The following TTC39B variants were observed in gnomAD, a reference collection of about 807,000 sequenced individuals.
TTC39B encodes the protein tetratricopeptide repeat domain 39B, also known as tetratricopeptide repeat protein 39B.
TTC39B carries 92 observed loss-of-function variants against 96.6 expected under a neutral mutation model. The observed-to-expected ratio is 0.95, with a 90% CI of 0.80 to 1.13. The LOEUF (loss-of-function observed/expected upper bound fraction) is 1.13. TTC39B is among the 50% of genes most tolerant of loss of function. The pLI is 0.00. For missense variants in TTC39B, 955 were observed against 809.3 expected (o/e 1.18, Z -2.18); for synonymous variants, 367 against 299.4 (o/e 1.23, Z -2.33).
In TTC39B at chr9:15,250,247, TC is replaced by T. The variant is rs1438259092; in HGVS notation, c.275+17666del. 9.1e-6 allele frequency: 10 copies of T among 1,093,324 alleles called. No individual in the cohort carries two copies. In the South Asian group the frequency reaches 2.4e-4, roughly 27 times the overall value. 67.7% of individuals were successfully genotyped at this position (1,093,324 alleles called of 1,614,324 possible). A position where few individuals can be genotyped will look rare whatever the true frequency, so the allele number is the denominator to read the frequency against. Reference sequence around the variant, plus strand: ...GGAAGGGATGCCGGGAGATTTTTTTTCCCCCAATCTCTGCTGCAGCCTAATT... The same window carrying T: ...GGAAGGGATGCCGGGAGATTTTTTTTCCCCAATCTCTGCTGCAGCCTAATT... On this transcript the variant is annotated intron_variant, in intron 2 of 19. Transcript: ENST00000512701.
intron 2 of TTC39B, among the ~76,000 whole-genome samples, chr9:15,248,671 T>G (rs891584027): frequency 2.6e-5 from 4 of 152,242 alleles, no homozygotes; most frequent in African/African-American, 7.2e-5. Context: ...CAAGTTTAAG[T>G]AAGGCAGAAT....
At chr9:15,307,120 C>T (rs1824778731) in exon 1 of TTC39B, 11 of 1,610,192 alleles carry the variant, frequency 6.8e-6, no homozygotes, top group South Asian at 1.1e-5. Context: ...TGCCTAAGAG[C>T]GCCATATTCC....
At chr9:15,287,646 C>T (rs1824020678) in intron 1 of TTC39B, among the ~76,000 whole-genome samples, 1 of 151,936 alleles carries the variant, frequency 6.6e-6, no homozygotes, top group South Asian at 2.1e-4. Flanking sequence ...AGCTCCTCTG[C>T]CATAAACTGT....
chr9:15,199,168 C>T (rs928238304), intron 8 of TTC39B, among the ~76,000 whole-genome samples: 3 of 152,180 alleles, frequency 2.0e-5, no homozygotes, highest in African/African-American at 7.2e-5. Flanking sequence ...ATGAACAACG[C>T]TACAGCCACC....
intron 9 of TTC39B, among the ~76,000 whole-genome samples, chr9:15,192,104 T>C (rs917135720): frequency 6.6e-6 from 1 of 152,220 alleles, no homozygotes; most frequent in Non-Finnish European, 1.5e-5. Context: ...TATACTTCTC[T>C]TGATCACTTT....
chr9:15,230,995 AAAAAC>A (rs943970101), intron 2 of TTC39B, among the ~76,000 whole-genome samples: 5 of 151,690 alleles, frequency 3.3e-5, no homozygotes, highest in Non-Finnish European at 4.4e-5. Context: ...AGAAAAAAAA[AAAAAC>A]AAACAAGTTA....
chr9:15,267,810 C>T lies in TTC39B; in HGVS notation c.275+104G>A, dbSNP rs2064298534. Reference sequence around the variant, plus strand: ...AGTGACTTTTTTTTTCTGAAAATAGCCATTGCCGTACTCTCCAAAAAATGA... The same window carrying T: ...AGTGACTTTTTTTTTCTGAAAATAGTCATTGCCGTACTCTCCAAAAAATGA... On this transcript the variant is annotated intron_variant, in intron 2 of 19. Coordinates refer to ENST00000512701, the Ensembl canonical transcript of TTC39B. The T allele has an allele frequency of 6.5e-6, 6 of 919,960 alleles. No individual in the cohort carries two copies. In the South Asian group the frequency reaches 8.1e-5, roughly 12 times the overall value. 57.0% of individuals were successfully genotyped at this position (919,960 alleles called of 1,614,324 possible).
intron 2 of TTC39B, among the ~76,000 whole-genome samples, chr9:15,248,602 TTGAATGAATGAA>T (rs56177200): frequency 2.6e-5 from 4 of 151,248 alleles, no homozygotes; most frequent in Non-Finnish European, 4.4e-5. Flanking sequence ...GTAAACATTT[TTGAATGAATGAA>T]TGAATGAATG....
intron 17 of TTC39B, among the ~76,000 whole-genome samples, chr9:15,179,687 T>C (rs1215816832): frequency 6.6e-6 from 1 of 152,208 alleles, no homozygotes; most frequent in Non-Finnish European, 1.5e-5. Flanking sequence ...TAGCTTGTAG[T>C]ATCATTTTTG....
chr9:15,253,792 T>A (rs1380321355), intron 2 of TTC39B, among the ~76,000 whole-genome samples: 1 of 152,196 alleles, frequency 6.6e-6, no homozygotes, highest in Non-Finnish European at 1.5e-5. Flanking sequence ...TCACTCTTTT[T>A]TCCTATTGGT....
At chr9:15,229,408 T>A (rs1586919740) in intron 2 of TTC39B, among the ~76,000 whole-genome samples, 1 of 152,374 alleles carries the variant, frequency 6.6e-6, no homozygotes, top group South Asian at 2.1e-4. Flanking sequence ...CTATTTACTA[T>A]TAAAACCTAT....
chr9:15,258,562 T>C (rs565727066), intron 2 of TTC39B, among the ~76,000 whole-genome samples: 40 of 152,148 alleles, frequency 2.6e-4, no homozygotes, highest in Non-Finnish European at 5.4e-4. Flanking sequence ...GCAGCAGCCA[T>C]GTCAAGAAGG....
At chr9:15,191,382 G>C (rs1175011670) in intron 9 of TTC39B, 127 bp from the exon 10 acceptor site, 1 of 616,470 alleles carries the variant, frequency 1.6e-6, no homozygotes, top group Non-Finnish European at 2.8e-6. Context: ...TTAACCACCA[G>C]ATATTTCTGT....
At position 15,175,142 on chromosome 9, in the gene TTC39B, G is replaced by T; in HGVS notation, c.1842-7C>A. 6.4e-7 allele frequency: 1 copy of T among 1,574,792 alleles called. No individual in the cohort carries two copies. The highest frequency in any genetic ancestry group is 8.7e-7 in the Non-Finnish European group (1 of 1,145,484). On this transcript the variant is annotated splice_region_variant and splice_polypyrimidine_tract_variant and intron_variant, in intron 18 of 19. Coordinates refer to ENST00000512701, the Ensembl canonical transcript of TTC39B. ...ATACTTCAGTAGCTTTTCACTGAAAGAGCAGAGGAAAATCAAGTAAATCTT... is the reference window on the plus strand; with the variant it reads ...ATACTTCAGTAGCTTTTCACTGAAATAGCAGAGGAAAATCAAGTAAATCTT...
exon 20 of TTC39B, chr9:15,171,954 A>G (rs1817683229): frequency 8.0e-7 from 1 of 1,244,286 alleles, no homozygotes; most frequent in Non-Finnish European, 1.2e-6. Context: ...CCACTTTAAT[A>G]TAAGGTTGAA....
intron 2 of TTC39B, among the ~76,000 whole-genome samples, chr9:15,259,281 A>G (rs1822863162): frequency 1.3e-5 from 2 of 152,198 alleles, no homozygotes; most frequent in South Asian, 4.1e-4. Context: ...TCTGCCAATT[A>G]CCTGAGGACA....
intron 8 of TTC39B, 44 bp downstream of exon 8, chr9:15,199,817 C>T (rs762953372): frequency 6.3e-6 from 6 of 959,302 alleles, no homozygotes; most frequent in African/African-American, 1.8e-5. Flanking sequence ...AAGGAGTACA[C>T]AGCACAAAAT....
At chr9:15,183,644 G>C (rs1818365112) in intron 16 of TTC39B, among the ~76,000 whole-genome samples, 1 of 152,244 alleles carries the variant, frequency 6.6e-6, no homozygotes, top group East Asian at 1.9e-4. Context: ...AAAGATGATA[G>C]TCTAGAAAAT....
At chr9:15,266,235 T>C (rs977210466) in intron 2 of TTC39B, among the ~76,000 whole-genome samples, 1 of 151,864 alleles carries the variant, frequency 6.6e-6, no homozygotes, top group African/African-American at 2.4e-5. Flanking sequence ...TTAATCCCAA[T>C]CACAATTAAG....
Sources: allele counts gnomAD v4.1 joint callset (sites outside exome capture counted in the v4.1 genomes callset), GRCh38; gene constraint gnomAD v4.1.1; transcripts MANE v1.5; gene names NCBI Gene and HGNC (gene_info 2026-07-23, HGNC 2026-07-21).